IL1R2: variants seen among roughly 807,000 people sequenced by gnomAD.
The protein encoded by IL1R2 is interleukin 1 receptor type 2, also known as interleukin-1 receptor type 2.
A neutral mutation model predicts 39.5 loss-of-function variants in IL1R2; 46 were observed. The observed-to-expected ratio is 1.16, with a 90% CI of 0.92 to 1.49. IL1R2 has a LOEUF of 1.49. Ranked by LOEUF, IL1R2 falls within the 40% of genes most tolerant of loss-of-function variation. The pLI, the probability that IL1R2 is intolerant of heterozygous loss-of-function variation, is 0.00. For missense variants in IL1R2, 537 were observed against 502.0 expected, an observed-to-expected ratio of 1.07 and a Z score of -0.67; for synonymous variants, 207 against 189.6, an observed-to-expected ratio of 1.09 and a Z score of -0.75.
chr2:101,994,553 G>C (rs140585582), intron 1 of IL1R2, among the ~76,000 whole-genome samples: 1 of 152,196 alleles, frequency 6.6e-6, no homozygotes, highest in African/African-American at 2.4e-5. Context: ...CCTGGTTGGC[G>C]ACCTGAGAAT....
chr2:102,016,313 A>G, intron 4 of IL1R2: 3 of 293,314 alleles, frequency 1.0e-5, no homozygotes, highest in Non-Finnish European at 6.5e-6. Flanking sequence ...TGCATCATCT[A>G]CTGTCACATG....
chr2:101,998,168 G>C (rs929819660), intron 1 of IL1R2, among the ~76,000 whole-genome samples: 3 of 152,176 alleles, frequency 2.0e-5, no homozygotes, highest in African/African-American at 7.2e-5. Flanking sequence ...AATTTAAACT[G>C]TTCTTTGTGA....
intron 1 of IL1R2, among the ~76,000 whole-genome samples, chr2:102,003,811 CTGTGT>C (rs72413479): frequency 0.032 from 3,484 of 108,016 alleles, 126 homozygotes; most frequent in African/African-American, 0.084. Context: ...TGTGGCTGTG[CTGTGT>C]CTGTGTCTGT....
At chr2:102,018,431 A>G (rs556730973) in intron 4 of IL1R2, among the ~76,000 whole-genome samples, 1 of 152,326 alleles carries the variant, frequency 6.6e-6, no homozygotes, top group East Asian at 1.9e-4. Flanking sequence ...GGCAATTAAT[A>G]ACTTTCACCA....
intron 3 of IL1R2, among the ~76,000 whole-genome samples, chr2:102,014,575 G>A (rs1168127673): frequency 6.6e-6 from 1 of 152,020 alleles, no homozygotes; most frequent in Non-Finnish European, 1.5e-5. Flanking sequence ...ACAGATATTG[G>A]CTTCATATAT....
intron 5 of IL1R2, 21 bp downstream of exon 5, chr2:102,019,833 C>G (rs557480832): frequency 6.2e-7 from 1 of 1,600,388 alleles, no homozygotes; most frequent in South Asian, 1.1e-5. Flanking sequence ...GCCATTGAGG[C>G]ACCTATCTAT....
At chr2:102,006,116 G>T (rs886965695) in intron 1 of IL1R2, among the ~76,000 whole-genome samples, 7 of 152,318 alleles carry the variant, frequency 4.6e-5, no homozygotes, top group African/African-American at 1.7e-4. Context: ...CCTGATATAT[G>T]GTATTGGTTA....
chr2:102,000,480 G>A (rs72988549), intron 1 of IL1R2, among the ~76,000 whole-genome samples: 2,019 of 152,310 alleles, frequency 0.013, 48 homozygotes, highest in African/African-American at 0.047. Context: ...CCACAGGGTC[G>A]AATATGACTA....
rs1676901320 is a variant in IL1R2, at chr2:102,014,976, ATC to A, written c.333-894_333-893del. ...AATAATAATAATAATAATAATAATA[ATC>A]ATATAATAATAAAGCAAACTTACCA... On this transcript the variant is annotated intron_variant, in intron 3 of 8. Transcript: ENST00000332549. Among the ~76,000 whole-genome samples the A allele has an allele frequency of 7.5e-5, 8 of 106,704 alleles. No individual in the cohort carries two copies. In the South Asian group the frequency reaches 2.7e-3, roughly 35 times the overall value. The allele number at this position is 106,704 out of a possible 152,430, so 70.0% of individuals were successfully genotyped here. A position where few individuals can be genotyped will look rare whatever the true frequency, so the allele number is the denominator to read the frequency against.
chr2:102,021,524 C>T (rs970543875), intron 5 of IL1R2, among the ~76,000 whole-genome samples: 5 of 152,158 alleles, frequency 3.3e-5, no homozygotes, highest in Admixed American at 1.3e-4. Context: ...CCATGTTGGT[C>T]AGGCTGGTCT....
chr2:101,992,326 G>GAAAGAC (rs1216396588), intron 1 of IL1R2, among the ~76,000 whole-genome samples: 1 of 130,284 alleles, frequency 7.7e-6, no homozygotes, highest in African/African-American at 3.4e-5. Context: ...CAGAGACAGA[G>GAAAGAC]AGAGGCAGGG....
At chr2:102,012,793 C>A (rs1676723508) in intron 3 of IL1R2, among the ~76,000 whole-genome samples, 1 of 152,132 alleles carries the variant, frequency 6.6e-6, no homozygotes, top group South Asian at 2.1e-4. Context: ...AGTAAAAATT[C>A]TAATTTTCTC....
chr2:102,015,898 C>T lies in IL1R2; in HGVS notation c.360C>T (p.Ser120=). The part of the protein sequence containing the change: ...TRNASYCDKM[S]IELRVFENTD... ...ATGCTTCTTACTGTGACAAAATGTC[C>T]ATTGAGCTCAGAGTTTTTGAGAATA... Residue 120 remains serine (S), a synonymous_variant, in exon 4 of 9, where the codon TCC becomes TCT. Transcript: ENST00000332549. The T allele has an allele frequency of 6.2e-7, 1 of 1,613,660 alleles. No individual in the cohort carries two copies. The highest frequency in any genetic ancestry group is 2.2e-5 in the East Asian group (1 of 44,866).
intron 2 of IL1R2, 102 bp downstream of exon 2, chr2:102,008,744 C>G: frequency 3.0e-6 from 3 of 998,514 alleles, no homozygotes; most frequent in Non-Finnish European, 4.7e-6. Flanking sequence ...AAGTGTGGGC[C>G]GAGCTCGGTG....
intron 1 of IL1R2, among the ~76,000 whole-genome samples, chr2:101,995,737 C>T (rs79588400): frequency 0.016 from 2,416 of 152,310 alleles, 64 homozygotes; most frequent in African/African-American, 0.055. Context: ...GCTACAGCAT[C>T]GTCATGGGTT....
At chr2:102,022,320 G>A (rs1031510163) in intron 6 of IL1R2, 71 bp downstream of exon 6, 53 of 1,295,738 alleles carry the variant, frequency 4.1e-5, no homozygotes, top group Non-Finnish European at 5.2e-5. Flanking sequence ...AGGGGGCTTG[G>A]GACCCTTGCG....
At chr2:102,009,231 A>AT (rs1676464597) in intron 2 of IL1R2, among the ~76,000 whole-genome samples, 1 of 152,320 alleles carries the variant, frequency 6.6e-6, no homozygotes, top group African/African-American at 2.4e-5. Flanking sequence ...ATGATGAGAA[A>AT]TCAGCCAGTG....
intron 6 of IL1R2, among the ~76,000 whole-genome samples, chr2:102,023,851 T>C (rs932857991): frequency 2.6e-5 from 4 of 151,100 alleles, no homozygotes; most frequent in East Asian, 2.0e-4. Context: ...ATCGAGACCA[T>C]CCTGGCTAAC....
chr2:102,002,323 T>C (rs1389584920), intron 1 of IL1R2, among the ~76,000 whole-genome samples: 7 of 148,868 alleles, frequency 4.7e-5, no homozygotes, highest in Admixed American at 3.3e-4. Flanking sequence ...TCTGTGTCTG[T>C]GTCTGTGTGT....
Sources: gnomAD v4.1 joint callset for allele counts (sites outside exome capture counted in the v4.1 genomes callset) on GRCh38, gnomAD v4.1.1 for gene constraint, MANE v1.5 for transcripts, NCBI Gene and HGNC (gene_info 2026-07-23, HGNC 2026-07-21) for gene names.